The following RBFOX1 variants were observed in gnomAD, a reference collection of about 807,000 sequenced individuals.
RBFOX1 encodes RNA binding protein fox-1 homolog 1.
In RBFOX1, 8 loss-of-function variants were observed where a neutral mutation model predicts 57.7. The ratio of observed to expected loss-of-function variants is 0.14; its 90% confidence interval spans 0.08 to 0.25. The LOEUF is 0.25. Ranked by LOEUF, RBFOX1 falls within the 10% of genes least tolerant of loss-of-function variation. RBFOX1 has a pLI of 1.00. For missense variants in RBFOX1, 611 were observed against 548.5 expected (o/e 1.11, Z -1.14); for synonymous variants, 326 against 222.4 (o/e 1.47, Z -4.15).
rs2095413080 is a variant in RBFOX1, at chr16:6,483,697, G to T, written c.-64+166640G>T. On this transcript the variant is annotated intron_variant, in intron 2 of 15. Transcript: ENST00000550418. ...AGGGGGTTGCAGAGGGACGGGGGCG[G>T]GCGACAGGGGGAGGAGTGTGCAAAT... is the stretch of plus-strand genomic sequence containing the variant. The T allele has an allele frequency of 1.0e-5, 10 of 969,026 alleles. No individual in the cohort carries two copies. The South Asian group carries it at 1.3e-4, about 13-fold the overall frequency. The allele number at this position is 969,026 out of a possible 1,614,324, so 60.0% of individuals were successfully genotyped here.
intron 2 of RBFOX1, among the ~76,000 whole-genome samples, chr16:5,550,377 A>T (rs2045413865): frequency 6.6e-6 from 1 of 152,164 alleles, no homozygotes; most frequent in African/African-American, 2.4e-5. Flanking sequence ...AAGGCAGCTC[A>T]TTCTTCAGGG....
At chr16:5,323,886 G>A (rs952321102) in intron 1 of RBFOX1, among the ~76,000 whole-genome samples, 25 of 152,194 alleles carry the variant, frequency 1.6e-4, no homozygotes, top group African/African-American at 5.8e-4. Context: ...GTGATGGCAG[G>A]GACAATGGGA....
At chr16:5,378,070 T>G (rs1183429362) in intron 1 of RBFOX1, among the ~76,000 whole-genome samples, 1 of 151,664 alleles carries the variant, frequency 6.6e-6, no homozygotes, top group Non-Finnish European at 1.5e-5. Context: ...AGCACAGTGT[T>G]GCACTGCCTG....
chr16:7,394,032 T>C (rs1169262380), intron 4 of RBFOX1, among the ~76,000 whole-genome samples: 1 of 151,966 alleles, frequency 6.6e-6, no homozygotes, highest in East Asian at 1.9e-4. Context: ...GGTCAGGAGT[T>C]GGAGACCATC....
intron 4 of RBFOX1, among the ~76,000 whole-genome samples, chr16:7,107,807 G>C (rs1417926247): frequency 1.3e-5 from 2 of 152,016 alleles, no homozygotes; most frequent in Non-Finnish European, 2.9e-5. Context: ...ATGTCTTTTT[G>C]TGTCTGAAAA....
At chr16:6,526,911 T>C (rs1243275341) in intron 2 of RBFOX1, among the ~76,000 whole-genome samples, 1 of 141,666 alleles carries the variant, frequency 7.1e-6, no homozygotes, top group Non-Finnish European at 1.5e-5. Flanking sequence ...ACTATCCCCA[T>C]GGTACATAAA....
intron 4 of RBFOX1, among the ~76,000 whole-genome samples, chr16:7,495,603 C>G (rs1441158544): frequency 6.6e-6 from 1 of 152,158 alleles, no homozygotes; most frequent in Non-Finnish European, 1.5e-5. Context: ...TGTTTGTTGA[C>G]TGTGTTTATA....
chr16:5,756,443 C>T (rs1475703783), intron 3 of RBFOX1, among the ~76,000 whole-genome samples: 1 of 152,156 alleles, frequency 6.6e-6, no homozygotes, highest in East Asian at 1.9e-4. Context: ...CAGGGATCAC[C>T]TTTGCGGTGG....
intron 4 of RBFOX1, chr16:7,332,763 G>A (rs2096715135): frequency 1.5e-6 from 2 of 1,376,786 alleles, no homozygotes; most frequent in Non-Finnish European, 1.9e-6. Flanking sequence ...TTCCATTTTG[G>A]TAGCTTCAAC....
At chr16:5,856,465 G>C (rs1426932876) in intron 3 of RBFOX1, among the ~76,000 whole-genome samples, 2 of 136,792 alleles carry the variant, frequency 1.5e-5, no homozygotes, top group African/African-American at 5.4e-5. Flanking sequence ...GCATTAATGA[G>C]ATCCTCAGAG....
At chr16:6,709,080 C>G (rs1694137554) in intron 3 of RBFOX1, among the ~76,000 whole-genome samples, 1 of 151,970 alleles carries the variant, frequency 6.6e-6, no homozygotes. Flanking sequence ...ATATCTCAAG[C>G]ACAGATTATT....
chr16:6,554,849 C>T (rs1335632484), intron 2 of RBFOX1, among the ~76,000 whole-genome samples: 1 of 148,908 alleles, frequency 6.7e-6, no homozygotes, highest in Non-Finnish European at 1.5e-5. Context: ...CCCTCTCACT[C>T]TCGCTCTGTC....
chr16:6,769,276 C>G (rs997461337), intron 3 of RBFOX1, among the ~76,000 whole-genome samples: 1 of 152,188 alleles, frequency 6.6e-6, no homozygotes, highest in African/African-American at 2.4e-5. Context: ...GAGACTTGCT[C>G]CTCCTTGCCT....
intron 3 of RBFOX1, among the ~76,000 whole-genome samples, chr16:6,881,757 C>A (rs943803458): frequency 2.6e-5 from 4 of 152,196 alleles, no homozygotes; most frequent in Non-Finnish European, 5.9e-5. Flanking sequence ...ATGAGCCAGG[C>A]ATGAGCTTAT....
intron 14 of RBFOX1, among the ~76,000 whole-genome samples, chr16:7,694,440 C>G (rs2078157191): frequency 6.6e-6 from 1 of 152,212 alleles, no homozygotes. Flanking sequence ...TATCTCTGTT[C>G]TAAAAGGCAG....
intron 4 of RBFOX1, among the ~76,000 whole-genome samples, chr16:7,066,579 C>T (rs959246158): frequency 2.0e-4 from 30 of 152,188 alleles, no homozygotes; most frequent in Non-Finnish European, 2.9e-5. Context: ...TATTTAACAT[C>T]TACCTTCTTG....
intron 4 of RBFOX1, among the ~76,000 whole-genome samples, chr16:7,266,207 C>T (rs534561080): frequency 7.4e-6 from 1 of 134,322 alleles, no homozygotes; most frequent in Non-Finnish European, 1.7e-5. Context: ...GATCTCCTGA[C>T]CTCGTGACCC....
chr16:7,282,911 T>C (rs2095575034), intron 4 of RBFOX1, among the ~76,000 whole-genome samples: 1 of 152,202 alleles, frequency 6.6e-6, no homozygotes, highest in Admixed American at 6.5e-5. Context: ...TGCGATTAAT[T>C]CATTACTTTT....
chr16:5,645,401 G>A (rs529097207), intron 3 of RBFOX1, among the ~76,000 whole-genome samples: 2 of 152,274 alleles, frequency 1.3e-5, no homozygotes, highest in East Asian at 1.9e-4. Flanking sequence ...GCCAGGGACC[G>A]AGAGGTTTAG....
Sources: gnomAD v4.1 joint callset for allele counts (sites outside exome capture counted in the v4.1 genomes callset) on GRCh38, gnomAD v4.1.1 for gene constraint, MANE v1.5 for transcripts, NCBI Gene and HGNC (gene_info 2026-07-23, HGNC 2026-07-21) for gene names.